Variants in KCNJ16 observed in about 807,000 individuals in gnomAD.
The protein encoded by KCNJ16 is potassium inwardly rectifying channel subfamily J member 16, also known as inward rectifier potassium channel 16.
KCNJ16 carries 15 observed loss-of-function variants against 18.5 expected under a neutral mutation model. The observed-to-expected ratio is 0.81, with a 90% CI of 0.54 to 1.25. The LOEUF (loss-of-function observed/expected upper bound fraction) is 1.25. Ranked by LOEUF, KCNJ16 falls within the 50% of genes most tolerant of loss-of-function variation. The probability of loss-of-function intolerance (pLI) is 0.00; values close to 1 mark genes in which losing one functional copy is unlikely to be tolerated. For missense variants in KCNJ16, 523 were observed against 525.7 expected, an observed-to-expected ratio of 0.99 and a Z score of 0.05; for synonymous variants, 174 against 186.5, an observed-to-expected ratio of 0.93 and a Z score of 0.55.
chr17:70,094,759 G>A (rs2094601841), intron 1 of KCNJ16, among the ~76,000 whole-genome samples: 1 of 152,136 alleles, frequency 6.6e-6, no homozygotes, highest in Non-Finnish European at 1.5e-5. Context: ...AATTACACTT[G>A]AAAGTAAATT....
intron 2 of KCNJ16, among the ~76,000 whole-genome samples, chr17:70,127,425 C>A (rs2073892631): frequency 6.8e-6 from 1 of 147,916 alleles, no homozygotes; most frequent in Non-Finnish European, 1.5e-5. Context: ...CAGGCTCCTG[C>A]ATAATTCTAC....
At chr17:70,127,878 T>A (rs73998767) in intron 2 of KCNJ16, among the ~76,000 whole-genome samples, 8,410 of 152,282 alleles carry the variant, frequency 0.055, 793 homozygotes, top group African/African-American at 0.19. Context: ...TTCAGAATTG[T>A]GTTTTCTGAA....
chr17:70,128,128 G>A (rs2073920518), intron 2 of KCNJ16: 1 of 152,198 alleles, frequency 6.6e-6, no homozygotes, highest in Non-Finnish European at 1.5e-5. Context: ...GCTTCAAAAT[G>A]GATGAGTCTG....
chr17:70,126,546 AT>A (rs1201937016), intron 2 of KCNJ16, among the ~76,000 whole-genome samples: 3 of 152,202 alleles, frequency 2.0e-5, no homozygotes, highest in Non-Finnish European at 2.9e-5. Flanking sequence ...CATAGGTATC[AT>A]AACCTTATTT....
At chr17:70,099,721 G>T (rs974970608) in intron 1 of KCNJ16, among the ~76,000 whole-genome samples, 1 of 152,022 alleles carries the variant, frequency 6.6e-6, no homozygotes, top group Non-Finnish European at 1.5e-5. Context: ...TGCTATGTGT[G>T]TTTGGGAGTA....
intron 1 of KCNJ16, among the ~76,000 whole-genome samples, chr17:70,099,803 A>C (rs141001097): frequency 1.0e-3 from 157 of 152,326 alleles, no homozygotes; most frequent in African/African-American, 3.4e-3. Context: ...AATCCTTATT[A>C]AGCCTCACTG....
rs780231296 is a variant in KCNJ16, at chr17:70,132,618, G to A, written c.531G>A (p.Lys177=). The A allele has an allele frequency of 5.3e-5, 86 of 1,614,102 alleles. No individual in the cohort carries two copies. The highest frequency in any genetic ancestry group is 7.1e-5 in the Non-Finnish European group (84 of 1,180,050). ...AALAKMATAR[K]RAQTIRFSYF... ...TGGCCAAAATGGCAACTGCTCGAAAGAGAGCCCAAACCATTCGTTTCAGCT... is the reference window on the plus strand; with the variant it reads ...TGGCCAAAATGGCAACTGCTCGAAAAAGAGCCCAAACCATTCGTTTCAGCT... Residue 177 remains lysine (K), a synonymous_variant, in exon 4 of 4, where the codon AAG becomes AAA. Coordinates refer to ENST00000392671, the MANE Select transcript of KCNJ16 (RefSeq NM_170741.4).
intron 2 of KCNJ16, among the ~76,000 whole-genome samples, chr17:70,123,641 T>C (rs946684422): frequency 6.6e-6 from 1 of 152,190 alleles, no homozygotes; most frequent in African/African-American, 2.4e-5. Flanking sequence ...AAATTGACTA[T>C]TGTCCCCATG....
At chr17:70,099,915 G>A (rs966119779) in intron 1 of KCNJ16, among the ~76,000 whole-genome samples, 4 of 152,130 alleles carry the variant, frequency 2.6e-5, no homozygotes, top group Non-Finnish European at 5.9e-5. Context: ...AAATCTATTA[G>A]GATAATCAAT....
intron 1 of KCNJ16, among the ~76,000 whole-genome samples, chr17:70,079,825 C>T (rs547759977): frequency 1.2e-3 from 188 of 152,302 alleles, no homozygotes; most frequent in African/African-American, 4.2e-3. Context: ...GCCTCCGCTT[C>T]CCAAGTAGCT....
intron 2 of KCNJ16, among the ~76,000 whole-genome samples, chr17:70,114,408 C>T (rs2073318152): frequency 6.6e-6 from 1 of 152,010 alleles, no homozygotes; most frequent in Admixed American, 6.6e-5. Context: ...GTTGGCATAC[C>T]GTAAATGCCA....
At chr17:70,098,951 GCTAA>G (rs1567786451) in intron 1 of KCNJ16, among the ~76,000 whole-genome samples, 3 of 152,196 alleles carry the variant, frequency 2.0e-5, no homozygotes, top group Admixed American at 6.5e-5. Context: ...GCTCACAAGA[GCTAA>G]CTGTTTACAC....
chr17:70,131,915 A>G, intron 3 of KCNJ16, 80 bp from the exon 4 acceptor site: 1 of 1,265,466 alleles, frequency 7.9e-7, no homozygotes. Context: ...ATGGTATGAC[A>G]CTGCTCCAAA....
chr17:70,106,180 T>C (rs2072913725), intron 2 of KCNJ16, among the ~76,000 whole-genome samples: 1 of 152,172 alleles, frequency 6.6e-6, no homozygotes. Context: ...TGAGTCAGGA[T>C]GATCTGTCTC....
chr17:70,091,129 C>T (rs534262730), intron 1 of KCNJ16, among the ~76,000 whole-genome samples: 1 of 152,254 alleles, frequency 6.6e-6, no homozygotes, highest in African/African-American at 2.4e-5. Context: ...GCCCAATCTA[C>T]CCTTTACACA....
chr17:70,103,273 A>T (rs1340245113), intron 2 of KCNJ16, among the ~76,000 whole-genome samples: 1 of 51,748 alleles, frequency 1.9e-5, no homozygotes, highest in Non-Finnish European at 4.0e-5. Context: ...ATATGTGTAT[A>T]TAATATGCAT....
At position 70,081,179 on chromosome 17, in the gene KCNJ16, G is replaced by T. The variant is rs532165306; in HGVS notation, c.-300+5789G>T. 4.6e-5 allele frequency among the ~76,000 whole-genome samples: 7 copies of T among 152,040 alleles called. No homozygotes were observed. In the South Asian group the frequency reaches 1.2e-3, roughly 27 times the overall value. On this transcript the variant is annotated intron_variant, in intron 1 of 3. Coordinates refer to ENST00000392671, the MANE Select transcript of KCNJ16 (RefSeq NM_170741.4). Reference sequence around the variant, plus strand: ...TCATATCAAGAATGCTCTTTATTTTGTAACTTGCCTTTCATTTGGATCAGA... The same window carrying T: ...TCATATCAAGAATGCTCTTTATTTTTTAACTTGCCTTTCATTTGGATCAGA...
chr17:70,076,871 TA>T (rs1412169648), intron 1 of KCNJ16, among the ~76,000 whole-genome samples: 4 of 152,188 alleles, frequency 2.6e-5, no homozygotes. Flanking sequence ...TTTGTTAAAT[TA>T]GTAAAACCTA....
At chr17:70,115,384 G>T (rs1199256997) in intron 2 of KCNJ16, among the ~76,000 whole-genome samples, 2 of 152,046 alleles carry the variant, frequency 1.3e-5, no homozygotes, top group Non-Finnish European at 2.9e-5. Flanking sequence ...CCTGCATCAT[G>T]AATACATAAT....
Sources: allele counts gnomAD v4.1 joint callset (sites outside exome capture counted in the v4.1 genomes callset), GRCh38; gene constraint gnomAD v4.1.1; transcripts MANE v1.5; gene names NCBI Gene and HGNC (gene_info 2026-07-23, HGNC 2026-07-21).